The following HDAC9 variants were observed in gnomAD, a reference collection of about 807,000 sequenced individuals.
HDAC9 encodes histone deacetylase 9, also known as MEF-2 interacting transcription repressor (MITR) protein.
Under a neutral mutation model 139.4 loss-of-function variants are expected in HDAC9, and 41 were observed. The observed-to-expected ratio is 0.29, with a 90% CI of 0.23 to 0.38. The LOEUF (loss-of-function observed/expected upper bound fraction) is 0.38, where lower values mean the gene tolerates loss of function less well. HDAC9 is among the 10% of genes least tolerant of loss of function. The pLI is 1.00. For synonymous variants in HDAC9, 517 were observed against 476.2 expected (o/e 1.09, Z -1.12); for missense variants, 1,147 against 1,297.0 (o/e 0.88, Z 1.78).
intron 1 of HDAC9, among the ~76,000 whole-genome samples, chr7:18,457,464 T>G (rs1252879886): frequency 6.6e-6 from 1 of 152,210 alleles, no homozygotes; most frequent in Non-Finnish European, 1.5e-5. Flanking sequence ...AAATTTTAAT[T>G]TAACTTTTAA....
intron 2 of HDAC9, among the ~76,000 whole-genome samples, chr7:18,498,142 A>G (rs573973373): frequency 6.6e-6 from 1 of 152,308 alleles, no homozygotes; most frequent in South Asian, 2.1e-4. Flanking sequence ...TCTGGTATAA[A>G]TACATAATCA....
At chr7:18,724,282 G>C (rs998625569) in intron 12 of HDAC9, among the ~76,000 whole-genome samples, 3 of 152,048 alleles carry the variant, frequency 2.0e-5, no homozygotes, top group Non-Finnish European at 2.9e-5. Context: ...CACAGACCTA[G>C]ATGGTATAGC....
intron 12 of HDAC9, among the ~76,000 whole-genome samples, chr7:18,712,879 A>C (rs1368451680): frequency 6.6e-6 from 1 of 152,214 alleles, no homozygotes; most frequent in Non-Finnish European, 1.5e-5. Context: ...GAGTTTATTC[A>C]TGTAAGCCAG....
At chr7:18,475,857 A>G (rs1795072942) in intron 1 of HDAC9, among the ~76,000 whole-genome samples, 1 of 152,212 alleles carries the variant, frequency 6.6e-6, no homozygotes, top group African/African-American at 2.4e-5. Context: ...GAACATCTCA[A>G]TGCGACTTCA....
At chr7:18,134,587 C>A in intron 1 of HDAC9, among the ~76,000 whole-genome samples, 1 of 152,160 alleles carries the variant, frequency 6.6e-6, no homozygotes. Flanking sequence ...AAAAGCAGAT[C>A]AGTTGTAAGT....
At chr7:18,372,364 C>T (rs934082314) in intron 1 of HDAC9, among the ~76,000 whole-genome samples, 5 of 152,188 alleles carry the variant, frequency 3.3e-5, no homozygotes, top group African/African-American at 7.2e-5. Flanking sequence ...CTACCAAGAG[C>T]TTCTCAAACC....
At chr7:18,976,353 A>G (rs1436696356) in intron 25 of HDAC9, among the ~76,000 whole-genome samples, 1 of 152,188 alleles carries the variant, frequency 6.6e-6, no homozygotes, top group Non-Finnish European at 1.5e-5. Flanking sequence ...TATAACAAAG[A>G]GAAAGAGGAG....
intron 3 of HDAC9, among the ~76,000 whole-genome samples, chr7:18,589,934 TA>T (rs1282389829): frequency 6.6e-6 from 1 of 152,194 alleles, no homozygotes; most frequent in Non-Finnish European, 1.5e-5. Flanking sequence ...TTTTTTAGGC[TA>T]AGAATGGAAG....
intron 6 of HDAC9, among the ~76,000 whole-genome samples, chr7:18,616,344 C>G (rs930273736): frequency 6.6e-6 from 1 of 152,172 alleles, no homozygotes; most frequent in African/African-American, 2.4e-5. Flanking sequence ...TGTACTTTGA[C>G]TTACTACCCC....
intron 17 of HDAC9, among the ~76,000 whole-genome samples, chr7:18,811,543 A>C (rs1794174202): frequency 6.6e-6 from 1 of 151,662 alleles, no homozygotes. Context: ...TTTTTCAGCT[A>C]TCTCTCTTTA....
chr7:18,124,204 T>A (rs1180970723), intron 1 of HDAC9, among the ~76,000 whole-genome samples: 1 of 152,210 alleles, frequency 6.6e-6, no homozygotes, highest in Non-Finnish European at 1.5e-5. Flanking sequence ...CCGAGCTCAT[T>A]TGGAGATCTG....
At chr7:18,960,899 G>A (rs1034435367) in intron 24 of HDAC9, among the ~76,000 whole-genome samples, 5 of 151,988 alleles carry the variant, frequency 3.3e-5, no homozygotes, top group African/African-American at 1.2e-4. Context: ...GGGGGGTGGG[G>A]GAAGTTATCC....
At chr7:18,855,329 T>G (rs1041980661) in intron 21 of HDAC9, among the ~76,000 whole-genome samples, 1 of 152,184 alleles carries the variant, frequency 6.6e-6, no homozygotes, top group Non-Finnish European at 1.5e-5. Flanking sequence ...ACTGATTGAT[T>G]AGTGGCCATT....
chr7:18,684,536 C>A (rs985568250), intron 12 of HDAC9, among the ~76,000 whole-genome samples: 1 of 151,902 alleles, frequency 6.6e-6, no homozygotes, highest in Admixed American at 6.6e-5. Context: ...CAACTGATAA[C>A]TTTTAGATGG....
intron 1 of HDAC9, among the ~76,000 whole-genome samples, chr7:18,486,667 T>C (rs1023395044): frequency 4.6e-5 from 7 of 152,156 alleles, no homozygotes; most frequent in African/African-American, 1.7e-4. Context: ...TTCTCTGGAA[T>C]CTTGAATATC....
At chr7:18,700,725 G>A (rs1783409168) in intron 12 of HDAC9, among the ~76,000 whole-genome samples, 1 of 152,210 alleles carries the variant, frequency 6.6e-6, no homozygotes, top group South Asian at 2.1e-4. Context: ...AAGCTTGCCT[G>A]GCTGAGAATG....
chr7:18,650,858 T>C (rs567169573), intron 11 of HDAC9, among the ~76,000 whole-genome samples: 194 of 152,146 alleles, frequency 1.3e-3, no homozygotes, highest in Non-Finnish European at 2.6e-3. Context: ...GCTTGGGTGT[T>C]TAGATGACTC....
intron 1 of HDAC9, 68 bp downstream of exon 1, chr7:18,496,091 C>G: frequency 7.1e-7 from 1 of 1,415,338 alleles, no homozygotes; most frequent in Non-Finnish European, 9.4e-7. Context: ...GAAAGGAAAT[C>G]ATTGTCGAAG....
intron 1 of HDAC9, among the ~76,000 whole-genome samples, chr7:18,480,035 TC>T (rs1795427849): frequency 6.6e-6 from 1 of 151,574 alleles, no homozygotes; most frequent in African/African-American, 2.4e-5. Flanking sequence ...CAGAACCTTT[TC>T]CTCCTTTCTA....
Sources: gnomAD v4.1 joint callset for allele counts (sites outside exome capture counted in the v4.1 genomes callset) on GRCh38, gnomAD v4.1.1 for gene constraint, MANE v1.5 for transcripts, NCBI Gene and HGNC (gene_info 2026-07-23, HGNC 2026-07-21) for gene names.